The following SNX27 variants were observed in gnomAD, a reference collection of about 807,000 sequenced individuals.
The protein encoded by SNX27 is sorting nexin 27.
In SNX27, 22 loss-of-function variants were observed where a neutral mutation model predicts 71.6. That is an observed-to-expected ratio of 0.31 (90% CI 0.22 to 0.44). The LOEUF is 0.44. SNX27 is among the 20% of genes least tolerant of loss of function. The pLI is 1.00. For synonymous variants in SNX27, 269 were observed against 277.2 expected (o/e 0.97, Z 0.29); for missense variants, 531 against 698.6 (o/e 0.76, Z 2.70).
In SNX27 at chr1:151,692,445, T is replaced by C; in HGVS notation, c.1250T>C (p.Met417Thr). 1 of 501,820 alleles carries C rather than the reference T, an allele frequency of 2.0e-6. No individual in the cohort carries two copies. The highest frequency in any genetic ancestry group is 3.8e-6 in the Non-Finnish European group (1 of 261,876). 31.1% of individuals were successfully genotyped at this position (501,820 alleles called of 1,614,324 possible). A position where few individuals can be genotyped will look rare whatever the true frequency, so the allele number is the denominator to read the frequency against. ...EQRKMVMYLN[M>T]LRTCEGYNEI... Reference sequence around the variant, plus strand: ...TTTTTTTTTTTTTAGTACCTCAACATGCTAAGGACTTGTGAGGGCTACAAT... The same window carrying C: ...TTTTTTTTTTTTTAGTACCTCAACACGCTAAGGACTTGTGAGGGCTACAAT... Residue 417 changes from methionine (M) to threonine (T), a missense_variant, in exon 9 of 12, where the codon ATG (methionine) becomes ACG (threonine). Met to Thr is a moderately conservative substitution (Grantham distance 81, BLOSUM62 -1). This residue lies in a region of SNX27 where 157 missense variants were observed against 178.4 expected (regional missense o/e 0.88). Transcript: ENST00000458013.
At chr1:151,644,493 A>G (rs1668941273) in intron 2 of SNX27, among the ~76,000 whole-genome samples, 1 of 152,220 alleles carries the variant, frequency 6.6e-6, no homozygotes, top group African/African-American at 2.4e-5. Context: ...ATATGGATAT[A>G]CCACTTTTAT....
At chr1:151,641,825 G>A (rs57549133) in intron 2 of SNX27, among the ~76,000 whole-genome samples, 112,588 of 125,646 alleles carry the variant, frequency 0.9, 51,570 homozygotes, top group Non-Finnish European at 0.99. Flanking sequence ...AGATATATAT[G>A]TCAGCTATAG....
At chr1:151,662,390 G>A (rs1280033367) in intron 5 of SNX27, 120 bp downstream of exon 5, 2 of 571,598 alleles carry the variant, frequency 3.5e-6, no homozygotes, top group South Asian at 2.2e-5. Flanking sequence ...TTTATTAAAT[G>A]TTAGCTACTA....
intron 1 of SNX27, among the ~76,000 whole-genome samples, chr1:151,631,711 G>A (rs1668244067): frequency 6.6e-6 from 1 of 152,096 alleles, no homozygotes; most frequent in Admixed American, 6.5e-5. Context: ...CCTTGAGACA[G>A]GGTCTCCTCT....
chr1:151,670,641 T>C (rs1670418442), intron 7 of SNX27, among the ~76,000 whole-genome samples: 1 of 152,182 alleles, frequency 6.6e-6, no homozygotes, highest in Non-Finnish European at 1.5e-5. Flanking sequence ...TTCTTTTTTT[T>C]TCCTGTTGAG....
At chr1:151,619,414 C>T (rs1355771477) in intron 1 of SNX27, among the ~76,000 whole-genome samples, 3 of 152,120 alleles carry the variant, frequency 2.0e-5, no homozygotes, top group African/African-American at 4.8e-5. Context: ...TTCCTCTCAC[C>T]TTAGCCTTCC....
intron 8 of SNX27, among the ~76,000 whole-genome samples, chr1:151,683,987 TAAC>T (rs1424475005): frequency 6.6e-6 from 1 of 152,164 alleles, no homozygotes; most frequent in Non-Finnish European, 1.5e-5. Context: ...TTATTAATAA[TAAC>T]TATTTTTTGG....
intron 1 of SNX27, chr1:151,613,994 A>C (rs997828613): frequency 2.0e-5 from 3 of 152,256 alleles, no homozygotes; most frequent in Non-Finnish European, 4.4e-5. Flanking sequence ...CTTGTAAAAC[A>C]GTAGGTTTGC....
At chr1:151,631,672 A>G (rs1449376754) in intron 1 of SNX27, among the ~76,000 whole-genome samples, 3 of 152,228 alleles carry the variant, frequency 2.0e-5, no homozygotes, top group Non-Finnish European at 4.4e-5. Flanking sequence ...AAAATGCTTT[A>G]CAATCTTAAA....
chr1:151,692,304 G>A (rs901946596), intron 8 of SNX27, 131 bp from the exon 9 acceptor site: 6 of 1,205,990 alleles, frequency 5.0e-6, no homozygotes, highest in Admixed American at 3.2e-5. Flanking sequence ...AGGTCTTCAG[G>A]TTGTTGGGTG....
intron 1 of SNX27, among the ~76,000 whole-genome samples, chr1:151,632,310 A>G (rs1028437504): frequency 1.3e-5 from 2 of 151,698 alleles, no homozygotes; most frequent in African/African-American, 2.4e-5. Flanking sequence ...GGCATGCGCC[A>G]CCACGCCCGG....
intron 8 of SNX27, among the ~76,000 whole-genome samples, chr1:151,686,597 G>A (rs974556128): frequency 5.3e-5 from 8 of 152,350 alleles, no homozygotes; most frequent in African/African-American, 1.9e-4. Flanking sequence ...GCTCATCAAA[G>A]TTTGAATTTT....
chr1:151,641,336 G>C (rs896838191), intron 2 of SNX27, among the ~76,000 whole-genome samples: 8 of 151,952 alleles, frequency 5.3e-5, no homozygotes, highest in Admixed American at 2.0e-4. Flanking sequence ...GAGAGTTCCA[G>C]TGGTTCCATA....
intron 4 of SNX27, 98 bp downstream of exon 4, chr1:151,660,960 C>T (rs990947240): frequency 4.7e-6 from 4 of 849,048 alleles, no homozygotes; most frequent in African/African-American, 3.4e-5. Context: ...TCCATAAGCT[C>T]TCCAAAGGAC....
chr1:151,692,406 CTTTT>C lies in SNX27; in HGVS notation c.1240-6_1240-3del, dbSNP rs61159507. On this transcript the variant is annotated intron_variant, in intron 8 of 11. Coordinates refer to ENST00000458013, the MANE Select transcript of SNX27 (RefSeq NM_001330723.2). ...TAACCCTGTTTCCTGTTTCTCCTTC[CTTTT>C]TTTTTTTTTTTTTTTTTTTTTTAGT... is the stretch of plus-strand genomic sequence containing the variant. The C allele has an allele frequency of 3.8e-3, 3,260 of 849,332 alleles. 1 individual carries two copies. Among genetic ancestry groups the C allele is most frequent in the East Asian group, 0.024 (477 of 19,976 alleles). 52.6% of individuals were successfully genotyped at this position (849,332 alleles called of 1,614,324 possible).
intron 7 of SNX27, among the ~76,000 whole-genome samples, chr1:151,670,954 CTT>C (rs1296427640): frequency 2.0e-5 from 3 of 152,064 alleles, no homozygotes; most frequent in African/African-American, 7.2e-5. Flanking sequence ...TTTGATGTGA[CTT>C]TTGTATATGG....
intron 7 of SNX27, among the ~76,000 whole-genome samples, chr1:151,681,042 C>T (rs1215057009): frequency 6.6e-6 from 1 of 152,098 alleles, no homozygotes; most frequent in South Asian, 2.1e-4. Flanking sequence ...TTGTACGGTT[C>T]TTAGAAGAAC....
intron 2 of SNX27, among the ~76,000 whole-genome samples, chr1:151,654,062 A>G (rs546444313): frequency 6.7e-6 from 1 of 150,118 alleles, no homozygotes; most frequent in Non-Finnish European, 1.5e-5. Context: ...TGATCTTTTG[A>G]CCTCGTGATC....
At chr1:151,648,244 G>C (rs566670341) in intron 2 of SNX27, among the ~76,000 whole-genome samples, 4 of 152,066 alleles carry the variant, frequency 2.6e-5, no homozygotes, top group African/African-American at 9.6e-5. Context: ...TGGTAGAGAT[G>C]GGGTTTCATC....
Sources: allele counts gnomAD v4.1 joint callset (sites outside exome capture counted in the v4.1 genomes callset), GRCh38; gene constraint gnomAD v4.1.1; regional missense constraint gnomAD v4.1.1; transcripts MANE v1.5; gene names NCBI Gene and HGNC (gene_info 2026-07-23, HGNC 2026-07-21).